SSU72: variants seen among roughly 807,000 people sequenced by gnomAD.
The protein encoded by SSU72 is RNA polymerase II subunit A C-terminal domain phosphatase SSU72.
A neutral mutation model predicts 22.7 loss-of-function variants in SSU72; 12 were observed. That is an observed-to-expected ratio of 0.53 (90% CI 0.34 to 0.86). The LOEUF is 0.86. Among genes scored for constraint, SSU72 ranks in the 40% least tolerant of loss-of-function variants. SSU72 has a pLI of 0.02. For missense variants in SSU72, 151 were observed against 249.8 expected (o/e 0.60, Z 2.67); for synonymous variants, 116 against 98.3 (o/e 1.18, Z -1.06).
intron 2 of SSU72, chr1:1,564,263 G>A: frequency 2.2e-6 from 1 of 460,882 alleles, no homozygotes; most frequent in Non-Finnish European, 3.8e-6. Flanking sequence ...CTCCTGAAAT[G>A]AAGGAATGTT....
chr1:1,555,965 A>G (rs1642515454), intron 2 of SSU72, among the ~76,000 whole-genome samples: 1 of 152,212 alleles, frequency 6.6e-6, no homozygotes, highest in Admixed American at 6.5e-5. Context: ...ACTGAACTCC[A>G]GCATCAAAGT....
chr1:1,553,619 C>CAAAAAAAAAAAAAAA (rs59261076), intron 2 of SSU72, among the ~76,000 whole-genome samples: 1 of 100,804 alleles, frequency 9.9e-6, no homozygotes, highest in African/African-American at 3.0e-5. Context: ...ACTAAAAATA[C>CAAAAAAAAAAAAAAA]AAAAAAAAAA....
intron 2 of SSU72, among the ~76,000 whole-genome samples, chr1:1,552,953 G>A (rs1464413398): frequency 4.6e-5 from 7 of 150,966 alleles, no homozygotes; most frequent in South Asian, 4.2e-4. Flanking sequence ...CCCACGAGGC[G>A]GAGGTTGCAG....
intron 2 of SSU72, among the ~76,000 whole-genome samples, chr1:1,556,300 C>T (rs541867029): frequency 6.6e-6 from 1 of 152,208 alleles, no homozygotes; most frequent in South Asian, 2.1e-4. Flanking sequence ...GGCGTGGTGG[C>T]GGCGTGCCTG....
At chr1:1,574,199 GC>G (rs1476077882) in intron 1 of SSU72, among the ~76,000 whole-genome samples, 3 of 152,122 alleles carry the variant, frequency 2.0e-5, no homozygotes, top group African/African-American at 7.2e-5. Flanking sequence ...GCAGCCCCTC[GC>G]CGCGGACGCT....
In SSU72 at chr1:1,574,671, G is replaced by T. The variant is rs1319879970; in HGVS notation, c.-114C>A. On this transcript the variant is annotated 5_prime_UTR_variant, in exon 1 of 5. Transcript: ENST00000291386. The stretch of plus-strand genomic sequence containing the variant: ...CCGGAAGCGGGCGACGCGAAACGAC[G>T]GCGCCGGCGGTGTAGCGTGCGGCGA... 9.0e-7 allele frequency: 1 copy of T among 1,114,644 alleles called. No individual in the cohort carries two copies. Among genetic ancestry groups the T allele is most frequent in the Middle Eastern group, 3.0e-4 (1 of 3,332 alleles). 69.0% of individuals were successfully genotyped at this position (1,114,644 alleles called of 1,614,324 possible).
In SSU72 at chr1:1,542,793, C is replaced by G. The variant is rs3766179; in HGVS notation, c.484-626G>C. 0.49 allele frequency among the ~76,000 whole-genome samples: 74,537 copies of G among 151,466 alleles called. 22,945 individuals are homozygous for G. The highest frequency in any genetic ancestry group is 0.86 in the East Asian group (4,382 of 5,084). On this transcript the variant is annotated intron_variant, in intron 4 of 4. Transcript: ENST00000291386. The surrounding 1 kb of genome is among the most constrained non-coding windows in gnomAD (Gnocchi z 4.4). ...AATCGTGCAATAACTTCTGGGACGA[C>G]ATTTTCTTATGACCTTTTCTCCTGC...
rs1374229269 is a variant in SSU72 at position 1,554,286 on chromosome 1, G to A, written c.225-9284C>T. On this transcript the variant is annotated intron_variant, in intron 2 of 4. Transcript: ENST00000291386. This position sits in a 1 kb window ranked among gnomAD's most constrained non-coding sequence, Gnocchi z 4.1. ...CGGGGGCCCCCACGAAGCTGAGCAC[G>A]AGACGGATCCGGACCACTCGGGGGT... Among the ~76,000 whole-genome samples, 2 of 151,612 alleles carry A rather than the reference G, an allele frequency of 1.3e-5. No homozygotes were observed. Among genetic ancestry groups the A allele is most frequent in the Admixed American group, 6.6e-5 (1 of 15,248 alleles).
At chr1:1,551,096 G>T (rs951933594) in intron 2 of SSU72, among the ~76,000 whole-genome samples, 3 of 152,122 alleles carry the variant, frequency 2.0e-5, no homozygotes, top group Non-Finnish European at 4.4e-5. Context: ...CTTCCATGTG[G>T]GTTAAATGTC....
chr1:1,572,708 C>T (rs1642746221), intron 1 of SSU72, among the ~76,000 whole-genome samples: 1 of 151,428 alleles, frequency 6.6e-6, no homozygotes, highest in African/African-American at 2.4e-5. Flanking sequence ...CCGCCCATCT[C>T]GGCCTCCCAA....
At chr1:1,561,107 CAG>C (rs1025572435) in intron 2 of SSU72, 3 of 152,166 alleles carry the variant, frequency 2.0e-5, no homozygotes, top group African/African-American at 7.2e-5. Context: ...TTTTTTGAGA[CAG>C]AGTCTCACTC....
intron 2 of SSU72, among the ~76,000 whole-genome samples, chr1:1,548,702 G>A (rs986558425): frequency 1.1e-4 from 16 of 152,312 alleles, no homozygotes; most frequent in African/African-American, 3.6e-4. Context: ...CCGCGGTGAG[G>A]AAGGTAGCTC....
intron 1 of SSU72, among the ~76,000 whole-genome samples, chr1:1,567,482 G>A (rs1244306807): frequency 6.6e-6 from 1 of 152,128 alleles, no homozygotes; most frequent in Non-Finnish European, 1.5e-5. Flanking sequence ...CTGACATTCA[G>A]TCATAACCAC....
chr1:1,547,291 G>C (rs2100706178), intron 2 of SSU72, among the ~76,000 whole-genome samples: 1 of 152,346 alleles, frequency 6.6e-6, no homozygotes. Flanking sequence ...TTCAAGGCCA[G>C]CTCTTCCCTG....
intron 1 of SSU72, among the ~76,000 whole-genome samples, chr1:1,573,278 A>T (rs1356269598): frequency 6.6e-6 from 1 of 151,296 alleles, no homozygotes; most frequent in Non-Finnish European, 1.5e-5. Context: ...AAAAAAAAAA[A>T]AATTAGCCGT....
At chr1:1,552,511 C>G (rs150635287) in intron 2 of SSU72, among the ~76,000 whole-genome samples, 7 of 152,244 alleles carry the variant, frequency 4.6e-5, no homozygotes, top group Non-Finnish European at 8.8e-5. Context: ...CTGTGCCCCA[C>G]GCCCAGAGGG....
intron 2 of SSU72, among the ~76,000 whole-genome samples, chr1:1,550,992 T>C (rs1355488229): frequency 6.6e-6 from 1 of 152,002 alleles, no homozygotes; most frequent in Non-Finnish European, 1.5e-5. Flanking sequence ...AGAAAGCTCC[T>C]GTCCTGCCAG....
At chr1:1,547,070 T>G (rs1313575269) in intron 2 of SSU72, among the ~76,000 whole-genome samples, 1 of 151,966 alleles carries the variant, frequency 6.6e-6, no homozygotes, top group Non-Finnish European at 1.5e-5. Flanking sequence ...CGGCCTGACC[T>G]TGTTGTGTGC....
intron 2 of SSU72, chr1:1,563,861 G>C (rs1642625584): frequency 6.6e-6 from 1 of 152,352 alleles, no homozygotes; most frequent in Non-Finnish European, 1.5e-5. Flanking sequence ...AGACTCTGCT[G>C]GGAAAGGGCG....
Sources: allele counts gnomAD v4.1 joint callset (sites outside exome capture counted in the v4.1 genomes callset), GRCh38; gene constraint gnomAD v4.1.1; non-coding constraint Gnocchi (gnomAD v3.1); transcripts MANE v1.5; gene names NCBI Gene and HGNC (gene_info 2026-07-23, HGNC 2026-07-21).